Variants in CEP350 observed in about 807,000 individuals in gnomAD.
The protein encoded by CEP350 is centrosomal protein 350.
A neutral mutation model predicts 331.8 loss-of-function variants in CEP350; 126 were observed. The observed-to-expected ratio is 0.38, with a 90% CI of 0.33 to 0.44. The LOEUF (loss-of-function observed/expected upper bound fraction) is 0.44. Ranked by LOEUF, CEP350 falls within the 20% of genes least tolerant of loss-of-function variation. The pLI is 1.00. For synonymous variants in CEP350, 1,200 were observed against 1,259.5 expected (o/e 0.95, Z 1.00); for missense variants, 3,406 against 3,634.6 (o/e 0.94, Z 1.62).
At chr1:180,047,874 G>A (rs188091821) in intron 21 of CEP350, among the ~76,000 whole-genome samples, 26 of 152,124 alleles carry the variant, frequency 1.7e-4, no homozygotes, top group Admixed American at 8.5e-4. Context: ...TTAGAGAGAT[G>A]GGAAAAGCAG....
chr1:180,040,446 T>C (rs1656687359), intron 17 of CEP350, among the ~76,000 whole-genome samples: 2 of 151,920 alleles, frequency 1.3e-5, no homozygotes, highest in South Asian at 4.1e-4. Flanking sequence ...TTCTTTTGTT[T>C]TGTTCTAATT....
intron 8 of CEP350, among the ~76,000 whole-genome samples, chr1:180,010,209 C>G (rs2148790336): frequency 6.6e-6 from 1 of 152,138 alleles, no homozygotes; most frequent in Non-Finnish European, 1.5e-5. Flanking sequence ...ACACAATATT[C>G]TAGTAGAAAT....
At position 180,093,518 on chromosome 1, in the gene CEP350, T is replaced by A; in HGVS notation, c.7413T>A (p.Ser2471Arg). ...PTELMKSKER[S>R]DVEHEQQVTE... ...AGCTGATGAAAAGTAAGGAGCGCAGTGATGTGGAGCATGAACAGCAAGTTA... is the reference window on the plus strand; with the variant it reads ...AGCTGATGAAAAGTAAGGAGCGCAGAGATGTGGAGCATGAACAGCAAGTTA... The change falls in exon 34 of 38, where the codon AGT becomes AGA. Residue 2471 changes from serine to arginine, a missense_variant. Physicochemically the swap from Ser to Arg is moderately radical, Grantham distance 110. Transcript: ENST00000367607. 7 of 1,613,312 alleles carry A rather than the reference T, an allele frequency of 4.3e-6. No homozygotes were observed. Among genetic ancestry groups the A allele is most frequent in the Non-Finnish European group, 5.9e-6 (7 of 1,179,492 alleles).
At chr1:180,006,739 C>T (rs1571856504) in intron 8 of CEP350, among the ~76,000 whole-genome samples, 172 bp downstream of exon 8, 2 of 152,062 alleles carry the variant, frequency 1.3e-5, no homozygotes, top group African/African-American at 4.8e-5. Flanking sequence ...GGTATTTTTC[C>T]TAATGCTATC....
At chr1:180,033,604 T>G (rs1558115527) in intron 15 of CEP350, among the ~76,000 whole-genome samples, 3 of 152,174 alleles carry the variant, frequency 2.0e-5, no homozygotes, top group Admixed American at 6.5e-5. Context: ...CAGTGCTAGT[T>G]TAATCAAGCT....
At chr1:180,056,822 C>T (rs78835497) in intron 25 of CEP350, among the ~76,000 whole-genome samples, 1,756 of 152,036 alleles carry the variant, frequency 0.012, 17 homozygotes, top group Non-Finnish European at 0.018. Context: ...TAGGTTAGAC[C>T]TTTTGACCAT....
chr1:180,024,634 A>G (rs893399359), intron 14 of CEP350, 52 bp downstream of exon 14: 41 of 1,531,864 alleles, frequency 2.7e-5, no homozygotes, highest in Middle Eastern at 2.3e-4. Flanking sequence ...ATTTTGTTGT[A>G]GTAATCTAAA....
chr1:180,003,414 G>A, intron 7 of CEP350, 127 bp downstream of exon 7: 1 of 661,972 alleles, frequency 1.5e-6, no homozygotes, highest in Non-Finnish European at 2.5e-6. Flanking sequence ...GCATGCTGAA[G>A]TTGTGGTGGT....
chr1:180,042,935 A>T, intron 19 of CEP350, 121 bp from the exon 20 acceptor site: 1 of 986,874 alleles, frequency 1.0e-6, no homozygotes, highest in Non-Finnish European at 1.5e-6. Flanking sequence ...TTCATCTATT[A>T]GTGGCAGAAT....
intron 8 of CEP350, 114 bp downstream of exon 8, chr1:180,006,681 C>T (rs751049954): frequency 6.3e-5 from 40 of 631,898 alleles, no homozygotes; most frequent in African/African-American, 1.5e-4. Flanking sequence ...ACAGGGTATA[C>T]GTGTGCCATG....
At chr1:180,052,348 T>C (rs1286418027) in intron 22 of CEP350, 2 of 370,794 alleles carry the variant, frequency 5.4e-6, no homozygotes, top group Admixed American at 7.6e-5. Flanking sequence ...CCCTAGATTG[T>C]GGTTTCTAAA....
rs1023426131 is a variant in CEP350 at position 180,041,732 on chromosome 1, C to G, written c.4292C>G (p.Thr1431Arg). The change falls in exon 19 of 38, where the codon ACG (threonine) becomes AGG (arginine). Residue 1431 changes from threonine (T) to arginine (R), a missense_variant. Thr to Arg is a moderately conservative substitution (Grantham distance 71). Transcript: ENST00000367607. Reference sequence around the variant, plus strand: ...GTAACTGAAGTCCTGCAGGAAGCAACGTGTAAAATAGCAGCTCAGCAGTCA... The same window carrying G: ...GTAACTGAAGTCCTGCAGGAAGCAAGGTGTAAAATAGCAGCTCAGCAGTCA... Reference protein sequence around the residue: ...REVTEVLQEATCKIAAQQSET... With the variant: ...REVTEVLQEARCKIAAQQSET... 5 of 1,613,174 alleles carry G rather than the reference C, an allele frequency of 3.1e-6. No individual in the cohort carries two copies. Among genetic ancestry groups the G allele is most frequent in the Non-Finnish European group, 4.2e-6 (5 of 1,179,562 alleles).
chr1:180,000,210 ACT>A (rs1404653352), intron 6 of CEP350, among the ~76,000 whole-genome samples: 3 of 152,204 alleles, frequency 2.0e-5, no homozygotes, highest in Non-Finnish European at 4.4e-5. Context: ...GCAAAGAAAG[ACT>A]CTCATAGGGA....
At chr1:179,955,288 A>C (rs1233555356) in intron 1 of CEP350, 146 bp downstream of exon 1, 8 of 881,230 alleles carry the variant, frequency 9.1e-6, no homozygotes, top group Non-Finnish European at 1.1e-5. Flanking sequence ...CCCCTCGGGG[A>C]ACCTCCCTGG....
rs940361136 is a variant in CEP350, at chr1:180,022,797, C to G, written c.3335C>G (p.Ser1112Cys). 8 of 1,603,740 alleles carry G rather than the reference C, an allele frequency of 5.0e-6. No individual in the cohort carries two copies. The highest frequency in any genetic ancestry group is 6.8e-6 in the Non-Finnish European group (8 of 1,174,442). Residue 1112 changes from serine (S) to cysteine (C), a missense_variant, in exon 13 of 38, where the codon TCC becomes TGC. Around this residue, in one of 5 missense-constraint regions of CEP350, gnomAD observed 1,857 missense variants for 1,909.2 expected, o/e 0.97. Coordinates refer to ENST00000367607, the MANE Select transcript of CEP350 (RefSeq NM_014810.5). ...SGVSYEDDFV[S>C]SPGTGTSTEK... ...GTTTCATATGAAGATGATTTTGTCT[C>G]CTCTCCAGGGACTGGGACTTCGACA...
chr1:179,962,031 G>C (rs1650666764), intron 1 of CEP350, among the ~76,000 whole-genome samples: 1 of 151,804 alleles, frequency 6.6e-6, no homozygotes, highest in East Asian at 1.9e-4. Context: ...ATTTTTAGGA[G>C]AGATGGGGTT....
At chr1:180,041,386 T>G in intron 18 of CEP350, 138 bp downstream of exon 18, 1 of 696,610 alleles carries the variant, frequency 1.4e-6, no homozygotes, top group Non-Finnish European at 2.3e-6. Flanking sequence ...TATGGGATAA[T>G]GCCATGTAAT....
chr1:180,094,028 G>A lies in CEP350; in HGVS notation c.7923G>A (p.Gln2641=). Residue 2641 remains glutamine (Q), a synonymous_variant, in exon 34 of 38, where the codon CAG becomes CAA. Transcript: ENST00000367607. ...TTAAAATAGAAACAGACAATGTACA[G>A]GACATTTCTGGGGTACTTGAAGCCC... ...RSLKIETDNV[Q]DISGVLEAHV... 6.2e-7 allele frequency: 1 copy of A among 1,613,738 alleles called. No homozygotes were observed.
chr1:179,966,548 A>AT (rs1043476787), intron 1 of CEP350, among the ~76,000 whole-genome samples: 15 of 152,106 alleles, frequency 9.9e-5, no homozygotes, highest in Non-Finnish European at 1.9e-4. Flanking sequence ...TTAGCCAATG[A>AT]TTTTTCCCTC....
Sources: gnomAD v4.1 joint callset for allele counts (sites outside exome capture counted in the v4.1 genomes callset) on GRCh38, gnomAD v4.1.1 for gene constraint, gnomAD v4.1.1 regional missense constraint, MANE v1.5 for transcripts, NCBI Gene and HGNC (gene_info 2026-07-23, HGNC 2026-07-21) for gene names.